FMN2: variants seen among roughly 807,000 people sequenced by gnomAD.
FMN2 encodes the protein formin-2.
In FMN2, 51 loss-of-function variants were observed where a neutral mutation model predicts 142.3. The observed-to-expected ratio is 0.36, with a 90% CI of 0.29 to 0.45. The LOEUF is 0.45. FMN2 is among the 20% of genes least tolerant of loss of function. The pLI is 1.00. For missense variants in FMN2, 1,936 were observed against 2,122.8 expected (o/e 0.91, Z 1.73); for synonymous variants, 882 against 869.8 (o/e 1.01, Z -0.25).
intron 14 of FMN2, among the ~76,000 whole-genome samples, chr1:240,375,212 G>T (rs914157498): frequency 6.6e-6 from 1 of 152,124 alleles, no homozygotes; most frequent in African/African-American, 2.4e-5. Flanking sequence ...ACTGATCACA[G>T]ATCACCATAA....
At chr1:240,257,761 G>T (rs1025226533) in intron 6 of FMN2, among the ~76,000 whole-genome samples, 184 bp from the exon 7 acceptor site, 9 of 152,054 alleles carry the variant, frequency 5.9e-5, no homozygotes, top group Non-Finnish European at 1.3e-4. Flanking sequence ...GGATTTTGAA[G>T]ATTTATGATA....
chr1:240,219,138 T>C (rs1352944662), intron 6 of FMN2, among the ~76,000 whole-genome samples: 1 of 152,204 alleles, frequency 6.6e-6, no homozygotes, highest in Non-Finnish European at 1.5e-5. Context: ...GTTTTAGGAA[T>C]GTGAATGTAG....
chr1:240,353,851 C>T (rs551152360), intron 13 of FMN2, among the ~76,000 whole-genome samples: 11 of 152,218 alleles, frequency 7.2e-5, no homozygotes, highest in African/African-American at 1.9e-4. Flanking sequence ...CAAAGAAGGA[C>T]GCCTCATCCT....
chr1:240,133,012 T>A (rs1041443140), intron 2 of FMN2, among the ~76,000 whole-genome samples: 2 of 152,014 alleles, frequency 1.3e-5, no homozygotes, highest in Non-Finnish European at 2.9e-5. Flanking sequence ...GGGAGAGGGG[T>A]GCAACTAGCT....
intron 14 of FMN2, among the ~76,000 whole-genome samples, chr1:240,364,079 C>A (rs1302703457): frequency 6.6e-6 from 1 of 152,116 alleles, no homozygotes; most frequent in African/African-American, 2.4e-5. Flanking sequence ...ATACTCCAGG[C>A]AATTTTACTT....
chr1:240,444,623 G>A (rs1675743103), intron 16 of FMN2, among the ~76,000 whole-genome samples: 1 of 152,200 alleles, frequency 6.6e-6, no homozygotes, highest in Non-Finnish European at 1.5e-5. Context: ...CAAGCATGTG[G>A]CAGTCACGTC....
intron 1 of FMN2, among the ~76,000 whole-genome samples, chr1:240,095,497 C>T (rs1365297634): frequency 5.9e-5 from 9 of 151,880 alleles, no homozygotes; most frequent in South Asian, 2.1e-4. Flanking sequence ...ATACATAGAC[C>T]ATTAAATCAT....
At chr1:240,408,088 A>G (rs1674273392) in intron 15 of FMN2, among the ~76,000 whole-genome samples, 1 of 152,236 alleles carries the variant, frequency 6.6e-6, no homozygotes, top group Non-Finnish European at 1.5e-5. Context: ...ATGAAAATAT[A>G]TTCTTACAAA....
At chr1:240,339,149 C>T (rs930145988) in intron 13 of FMN2, among the ~76,000 whole-genome samples, 1 of 152,142 alleles carries the variant, frequency 6.6e-6, no homozygotes, top group Admixed American at 6.5e-5. Flanking sequence ...GGTGTCCCGG[C>T]TCCTAACAGG....
At chr1:240,142,502 T>TATTTATTTATTTATATA (rs1458715920) in intron 2 of FMN2, among the ~76,000 whole-genome samples, 3 of 151,352 alleles carry the variant, frequency 2.0e-5, no homozygotes, top group African/African-American at 7.3e-5. Context: ...TATTTATATT[T>TATTTATTTATTTATATA]TTTGGGGGGG....
At chr1:240,413,995 G>A (rs1238085355) in intron 15 of FMN2, among the ~76,000 whole-genome samples, 2 of 152,192 alleles carry the variant, frequency 1.3e-5, no homozygotes, top group African/African-American at 4.8e-5. Context: ...TAGTGAAACA[G>A]AGATTTATCC....
intron 14 of FMN2, among the ~76,000 whole-genome samples, chr1:240,373,807 C>T (rs2103072552): frequency 6.6e-6 from 1 of 152,232 alleles, no homozygotes; most frequent in East Asian, 1.9e-4. Context: ...TATTTTGAAC[C>T]CTTCTCATGA....
At chr1:240,257,158 C>T (rs986333851) in intron 6 of FMN2, among the ~76,000 whole-genome samples, 73 of 152,304 alleles carry the variant, frequency 4.8e-4, no homozygotes, top group African/African-American at 1.6e-3. Flanking sequence ...GCAGAATTTC[C>T]TGGTGATGCT....
intron 1 of FMN2, among the ~76,000 whole-genome samples, chr1:240,098,992 T>G (rs1251119335): frequency 6.6e-6 from 1 of 152,210 alleles, no homozygotes; most frequent in Non-Finnish European, 1.5e-5. Context: ...TAGGTATATT[T>G]GCAATCCTAG....
intron 4 of FMN2, among the ~76,000 whole-genome samples, chr1:240,204,488 C>T (rs140232168): frequency 0.022 from 3,304 of 152,198 alleles, 116 homozygotes; most frequent in African/African-American, 0.075. Flanking sequence ...CGGTGGCTCA[C>T]GCCTGTAATC....
Position 240,123,166 on chromosome 1 carries a change from G to A in FMN2, c.1616-13G>A. 7 of 1,613,986 alleles carry A rather than the reference G, an allele frequency of 4.3e-6. No individual in the cohort carries two copies. The highest frequency in any genetic ancestry group is 5.9e-6 in the Non-Finnish European group (7 of 1,179,954). ...GGCAGTGCTCGCTCTTAATGACTGTGTTTCATCTGCAGGGCGAACGCTGTT... is the reference window on the plus strand; with the variant it reads ...GGCAGTGCTCGCTCTTAATGACTGTATTTCATCTGCAGGGCGAACGCTGTT... On this transcript the variant is annotated splice_polypyrimidine_tract_variant and intron_variant, in intron 1 of 17. Transcript: ENST00000319653.
In FMN2 at chr1:240,217,147, C is replaced by A. The variant is rs1324912960; in HGVS notation, c.4065+5912C>A. On this transcript the variant is annotated intron_variant, in intron 6 of 17. Coordinates refer to ENST00000319653, the MANE Select transcript of FMN2 (RefSeq NM_020066.5). ...AGTGGCACACTTCAGGTATTGCCTG[C>A]CACTGTATTATTGGCTGCTATGAAA... Among the ~76,000 whole-genome samples the A allele has an allele frequency of 2.6e-5, 4 of 152,128 alleles. No homozygotes were observed. The East Asian group carries it at 5.8e-4, about 22-fold the overall frequency.
At chr1:240,223,294 T>TTATG (rs1174461037) in intron 6 of FMN2, among the ~76,000 whole-genome samples, 10 of 152,326 alleles carry the variant, frequency 6.6e-5, no homozygotes, top group African/African-American at 2.2e-4. Flanking sequence ...CGTTTTTGAT[T>TTATG]TATGTATGTT....
chr1:240,402,736 G>A (rs1330132269), intron 15 of FMN2, among the ~76,000 whole-genome samples: 1 of 152,160 alleles, frequency 6.6e-6, no homozygotes, highest in Non-Finnish European at 1.5e-5. Context: ...GTCACTTAAT[G>A]TCTATGTCAG....
Sources: gnomAD v4.1 joint callset for allele counts (sites outside exome capture counted in the v4.1 genomes callset) on GRCh38, gnomAD v4.1.1 for gene constraint, MANE v1.5 for transcripts, NCBI Gene and HGNC (gene_info 2026-07-23, HGNC 2026-07-21) for gene names.